The following TRPM4 variants were observed in gnomAD, a reference collection of about 807,000 sequenced individuals.
TRPM4 encodes the protein calcium-activated non-selective cation channel 1.
A neutral mutation model predicts 135.6 loss-of-function variants in TRPM4; 124 were observed. That is an observed-to-expected ratio of 0.91 (90% CI 0.79 to 1.06). The LOEUF (loss-of-function observed/expected upper bound fraction) is 1.06, where lower values mean the gene tolerates loss of function less well. Ranked by LOEUF, TRPM4 falls within the 50% of genes least tolerant of loss-of-function variation. The pLI, the probability that TRPM4 is intolerant of heterozygous loss-of-function variation, is 0.00. For synonymous variants in TRPM4, 745 were observed against 705.6 expected (o/e 1.06, Z -0.88); for missense variants, 1,658 against 1,671.4 (o/e 0.99, Z 0.14).
Position 49,168,041 on chromosome 19 carries a change from A to G in TRPM4, c.392A>G (p.Gln131Arg), listed in dbSNP as rs774179613. 1 of 1,612,768 alleles carries G rather than the reference A, an allele frequency of 6.2e-7. No individual in the cohort carries two copies. The change falls in exon 4 of 25, where the codon CAG becomes CGG. Residue 131 changes from glutamine (Q) to arginine (R), a missense_variant. Physicochemically the swap from Gln to Arg is conservative, Grantham distance 43. Coordinates refer to ENST00000252826, the MANE Select transcript of TRPM4 (RefSeq NM_017636.4). ...GGGGGATCGGGGGGCCCCGTCCTCCAGACCTGGCTGCAGGACCTGCTGCGT... is the reference window on the plus strand; with the variant it reads ...GGGGGATCGGGGGGCCCCGTCCTCCGGACCTGGCTGCAGGACCTGCTGCGT... ...VLGGSGGPVL[Q>R]TWLQDLLRRG...
intron 19 of TRPM4, 117 bp downstream of exon 19, chr19:49,200,902 C>G: frequency 8.7e-7 from 1 of 1,149,702 alleles, no homozygotes; most frequent in South Asian, 1.4e-5. Context: ...CTCCCTCTTT[C>G]TCTGGATCTC....
chr19:49,190,492 G>T (rs1316479194), intron 15 of TRPM4, among the ~76,000 whole-genome samples, 172 bp downstream of exon 15: 2 of 151,708 alleles, frequency 1.3e-5, no homozygotes, highest in Non-Finnish European at 2.9e-5. Flanking sequence ...TTTTGGGGGG[G>T]ATCCTCCCTG....
At chr19:49,189,266 G>T (rs978118115) in intron 14 of TRPM4, among the ~76,000 whole-genome samples, 175 bp downstream of exon 14, 2 of 152,068 alleles carry the variant, frequency 1.3e-5, no homozygotes, top group African/African-American at 2.4e-5. Flanking sequence ...AAGAAGCCCC[G>T]CTCCCTTCCA....
At chr19:49,162,043 A>C (rs137922113) in intron 2 of TRPM4, among the ~76,000 whole-genome samples, 2 of 152,304 alleles carry the variant, frequency 1.3e-5, no homozygotes, top group African/African-American at 4.8e-5. Context: ...GGTGAAAAGC[A>C]AGAGAAAGCC....
chr19:49,168,386 G>T lies in TRPM4; in HGVS notation c.575G>T (p.Gly192Val), dbSNP rs750308604. The T allele has an allele frequency of 1.2e-6, 2 of 1,614,068 alleles. No homozygotes were observed. The highest frequency in any genetic ancestry group is 1.7e-6 in the Non-Finnish European group (2 of 1,180,012). The change falls in exon 5 of 25, where the codon GGT (glycine) becomes GTT (valine). Residue 192 changes from glycine to valine, a missense_variant. By Grantham distance (109) the Gly-to-Val change is moderately radical. This residue lies in a region of TRPM4 where 1,412 missense variants were observed against 1,408.7 expected (regional missense o/e 1.00). Transcript: ENST00000252826. Reference protein sequence around the residue: ...KVVAMGVAPWGVVRNRDTLIN... With the variant: ...KVVAMGVAPWVVVRNRDTLIN... ...GTGGCCATGGGTGTGGCCCCCTGGG[G>T]TGTGGTCCGGAATAGAGACACCCTC...
chr19:49,181,530 CTTTT>C (rs35727661), intron 10 of TRPM4, 69 bp downstream of exon 10: 3,551 of 511,530 alleles, frequency 6.9e-3, no homozygotes, highest in East Asian at 0.011. Flanking sequence ...TCTCTGCCTT[CTTTT>C]TTTTTTTTTT....
chr19:49,169,575 C>T (rs1320911746), intron 6 of TRPM4, among the ~76,000 whole-genome samples: 1 of 151,328 alleles, frequency 6.6e-6, no homozygotes, highest in Non-Finnish European at 1.5e-5. Context: ...GCCACCGCGC[C>T]CGGCCTAATG....
At chr19:49,191,531 T>A (rs1347135741) in intron 16 of TRPM4, among the ~76,000 whole-genome samples, 1 of 151,802 alleles carries the variant, frequency 6.6e-6, no homozygotes, top group Non-Finnish European at 1.5e-5. Flanking sequence ...TTCTTTCTTT[T>A]TTGAAATGGG....
At chr19:49,170,772 C>T (rs1157424546) in intron 6 of TRPM4, among the ~76,000 whole-genome samples, 2 of 152,142 alleles carry the variant, frequency 1.3e-5, no homozygotes, top group Non-Finnish European at 2.9e-5. Flanking sequence ...TAGCTCCCTC[C>T]TGAAGTGTCC....
rs1169245148 is a variant in TRPM4, at chr19:49,196,563, G to A, written c.2334G>A (p.Ala778=). ...CLRRWFHFWG[A]PVTIFMGNVV... ...GCCGCTGGTTCCACTTCTGGGGCGCGCCGGTGACCATCTTCATGGGCAACG... is the reference window on the plus strand; with the variant it reads ...GCCGCTGGTTCCACTTCTGGGGCGCACCGGTGACCATCTTCATGGGCAACG... Residue 778 remains alanine (A), a synonymous_variant, in exon 17 of 25, where the codon GCG becomes GCA. Transcript: ENST00000252826. The A allele has an allele frequency of 3.2e-6, 5 of 1,554,754 alleles. No individual in the cohort carries two copies. Among genetic ancestry groups the A allele is most frequent in the Non-Finnish European group, 3.5e-6 (4 of 1,152,774 alleles).
chr19:49,201,555 T>C (rs1229801753), intron 19 of TRPM4, among the ~76,000 whole-genome samples: 1 of 152,212 alleles, frequency 6.6e-6, no homozygotes, highest in African/African-American at 2.4e-5. Flanking sequence ...GAGAAGTTAC[T>C]ATTTATTGTT....
At chr19:49,199,252 G>GGTTTTT (rs67547335) in intron 17 of TRPM4, among the ~76,000 whole-genome samples, 22 of 147,994 alleles carry the variant, frequency 1.5e-4, no homozygotes, top group Middle Eastern at 7.0e-3. Context: ...TTTTTTTTTT[G>GGTTTTT]GTTTTTGTTT....
At chr19:49,190,083 A>G (rs919765679) in intron 14 of TRPM4, 125 bp from the exon 15 acceptor site, 6 of 826,792 alleles carry the variant, frequency 7.3e-6, no homozygotes, top group African/African-American at 3.3e-5. Flanking sequence ...CCCTACCTCA[A>G]TAGTTGTGGC....
chr19:49,195,562 G>T (rs953933830), intron 16 of TRPM4, among the ~76,000 whole-genome samples: 1 of 151,944 alleles, frequency 6.6e-6, no homozygotes, highest in Non-Finnish European at 1.5e-5. Flanking sequence ...TAGAGACGGG[G>T]TTTCTCCATG....
At chr19:49,190,596 T>C (rs1259389482) in intron 15 of TRPM4, 100 bp from the exon 16 acceptor site, 3 of 1,255,856 alleles carry the variant, frequency 2.4e-6, no homozygotes, top group Non-Finnish European at 3.5e-6. Flanking sequence ...TCTCTGTCCC[T>C]CTGCCATGTC....
At chr19:49,209,154 CT>C (rs1468005909) in intron 20 of TRPM4, among the ~76,000 whole-genome samples, 2 of 152,122 alleles carry the variant, frequency 1.3e-5, no homozygotes, top group Non-Finnish European at 2.9e-5. Context: ...ACTTAATGTG[CT>C]GCTGAATTAG....
rs374639233 is a variant in TRPM4, at chr19:49,200,606, C to T, written c.2779-5C>T. The stretch of plus-strand genomic sequence containing the variant: ...GGGGCCAGACTCAGCCACATCTCCC[C>T]ACAGATGAAGGACGTGTTCTTCTTC... On this transcript the variant is annotated splice_polypyrimidine_tract_variant and splice_region_variant and intron_variant, in intron 18 of 24. Transcript: ENST00000252826. 3.2e-5 allele frequency: 52 copies of T among 1,612,172 alleles called. 1 individual carries two copies. In the Middle Eastern group the frequency reaches 9.9e-4, roughly 31 times the overall value.
Position 49,171,527 on chromosome 19 carries a change from A to G in TRPM4, c.859-51A>G. Reference sequence around the variant, plus strand: ...TGGGGGTCTGACTCCGGGTAGGGTGAATATCCTGCCTTTTCTGACGTGATG... The same window carrying G: ...TGGGGGTCTGACTCCGGGTAGGGTGGATATCCTGCCTTTTCTGACGTGATG... On this transcript the variant is annotated intron_variant, in intron 7 of 24. Transcript: ENST00000252826. This position sits in a 1 kb window ranked among gnomAD's most constrained non-coding sequence, Gnocchi z 4.7. The G allele has an allele frequency of 6.2e-7, 1 of 1,612,510 alleles. No homozygotes were observed. The highest frequency in any genetic ancestry group is 2.2e-5 in the East Asian group (1 of 44,830).
chr19:49,201,928 C>A, intron 19 of TRPM4, 36 bp from the exon 20 acceptor site: 5 of 1,609,670 alleles, frequency 3.1e-6, no homozygotes, highest in Non-Finnish European at 4.2e-6. Context: ...AGGTCTCTGT[C>A]CCCCTCACCC....
Sources: allele counts gnomAD v4.1 joint callset (sites outside exome capture counted in the v4.1 genomes callset), GRCh38; gene constraint gnomAD v4.1.1; regional missense constraint gnomAD v4.1.1; non-coding constraint Gnocchi (gnomAD v3.1); transcripts MANE v1.5; gene names NCBI Gene and HGNC (gene_info 2026-07-23, HGNC 2026-07-21).